Variants in PAN3 observed in about 807,000 individuals in gnomAD.
The protein encoded by PAN3 is poly(A) specific ribonuclease subunit PAN3, also known as PAN2-PAN3 deadenylation complex subunit PAN3.
A neutral mutation model predicts 96.2 loss-of-function variants in PAN3; 19 were observed. The observed-to-expected ratio is 0.20, with a 90% CI of 0.14 to 0.29. The LOEUF (loss-of-function observed/expected upper bound fraction) is 0.29. Among genes scored for constraint, PAN3 ranks in the 10% least tolerant of loss-of-function variants. The pLI, the probability that PAN3 is intolerant of heterozygous loss-of-function variation, is 1.00. For synonymous variants in PAN3, 433 were observed against 406.6 expected (o/e 1.06, Z -0.78); for missense variants, 882 against 1,108.1 (o/e 0.80, Z 2.90).
At chr13:28,139,186 T>C (rs952460098) in intron 1 of PAN3, 99 bp downstream of exon 1, 11 of 1,205,584 alleles carry the variant, frequency 9.1e-6, no homozygotes, top group Non-Finnish European at 1.1e-5. Context: ...GCCCGCGGGC[T>C]CCCCCCCTCA....
chr13:28,237,229 C>T (rs1001966163), intron 6 of PAN3, among the ~76,000 whole-genome samples: 2 of 151,882 alleles, frequency 1.3e-5, no homozygotes, highest in Non-Finnish European at 2.9e-5. Flanking sequence ...ACCTGATGCT[C>T]CTCTTTTAAA....
intron 9 of PAN3, among the ~76,000 whole-genome samples, chr13:28,262,095 T>C (rs1052556754): frequency 3.9e-5 from 6 of 152,190 alleles, no homozygotes; most frequent in African/African-American, 9.7e-5. Context: ...TTAAATACTT[T>C]ACATGTCTTA....
At chr13:28,214,640 GA>G in intron 5 of PAN3, 2 of 424,352 alleles carry the variant, frequency 4.7e-6, no homozygotes, top group South Asian at 2.2e-5. Context: ...TGAAAAATTG[GA>G]AAAGGAGGCT....
chr13:28,155,298 A>G (rs554717686), intron 1 of PAN3, among the ~76,000 whole-genome samples: 6 of 152,234 alleles, frequency 3.9e-5, no homozygotes, highest in South Asian at 2.1e-4. Context: ...ATGTTGGGGA[A>G]TACAAAGACA....
chr13:28,293,427 G>T lies in PAN3; in HGVS notation c.*905G>T, dbSNP rs1593654592. The T allele has an allele frequency of 8.4e-6, 1 of 118,696 alleles. No individual in the cohort carries two copies. The highest frequency in any genetic ancestry group is 1.7e-5 in the Non-Finnish European group (1 of 59,084). 7.4% of individuals were successfully genotyped at this position (118,696 alleles called of 1,614,324 possible). A position where few individuals can be genotyped will look rare whatever the true frequency, so the allele number is the denominator to read the frequency against. On this transcript the variant is annotated 3_prime_UTR_variant, in exon 19 of 19. Coordinates refer to ENST00000380958, the MANE Select transcript of PAN3 (RefSeq NM_175854.8). ...TTTTTTTTTTTTTTTGGGCGGGGGG[G>T]AGGTTTATGAAGTTTTGCTCTTTGA...
At chr13:28,285,438 G>C (rs1271516124) in intron 17 of PAN3, among the ~76,000 whole-genome samples, 2 of 151,704 alleles carry the variant, frequency 1.3e-5, no homozygotes, top group African/African-American at 4.8e-5. Flanking sequence ...TTTGGGTTTT[G>C]TTTGTTTGTT....
chr13:28,203,902 C>T (rs1044223456), intron 5 of PAN3, among the ~76,000 whole-genome samples: 1 of 150,858 alleles, frequency 6.6e-6, no homozygotes. Flanking sequence ...CTTCCAGCTT[C>T]AAGCGATTCT....
At chr13:28,172,020 C>T (rs755410026) in intron 1 of PAN3, among the ~76,000 whole-genome samples, 4 of 152,096 alleles carry the variant, frequency 2.6e-5, no homozygotes, top group Admixed American at 1.3e-4. Context: ...CAAAGATGCT[C>T]CCAGCACCAA....
intron 4 of PAN3, among the ~76,000 whole-genome samples, chr13:28,181,002 A>G (rs781189625): frequency 1.2e-4 from 18 of 152,204 alleles, no homozygotes; most frequent in Non-Finnish European, 2.1e-4. Flanking sequence ...TGAAGAATTT[A>G]TGGAGAAAAG....
At chr13:28,256,644 AAG>A in intron 7 of PAN3, 105 bp downstream of exon 7, 1 of 1,243,782 alleles carries the variant, frequency 8.0e-7, no homozygotes, top group Non-Finnish European at 1.1e-6. Flanking sequence ...TGATGCAAAA[AAG>A]TATTTCATTT....
At position 28,266,791 on chromosome 13, in the gene PAN3, A is replaced by T; in HGVS notation, c.1488A>T (p.Lys496Asn). The change falls in exon 10 of 19, where the codon AAA becomes AAT. Residue 496 changes from lysine (K) to asparagine (N), a missense_variant. Around this residue, in one of 3 missense-constraint regions of PAN3, gnomAD observed 364 missense variants for 513.6 expected, o/e 0.71. Transcript: ENST00000380958. The stretch of plus-strand genomic sequence containing the variant: ...TGCCACCTCCCAACCGGATACAGAA[A>T]TCAAGTAATTTTGGATATATTACAT... ...EPLPPPNRIQ[K>N]SSNFGYITSC... 6.2e-7 allele frequency: 1 copy of T among 1,611,092 alleles called. No individual in the cohort carries two copies. Among genetic ancestry groups the T allele is most frequent in the Non-Finnish European group, 8.5e-7 (1 of 1,178,476 alleles).
At chr13:28,147,037 A>G (rs770639818) in intron 1 of PAN3, among the ~76,000 whole-genome samples, 8 of 152,190 alleles carry the variant, frequency 5.3e-5, no homozygotes, top group Middle Eastern at 3.2e-3. Context: ...ATAGTGTTAC[A>G]GTTTTATGTG....
At chr13:28,183,283 A>G (rs1204765174) in intron 4 of PAN3, among the ~76,000 whole-genome samples, 1 of 152,228 alleles carries the variant, frequency 6.6e-6, no homozygotes, top group African/African-American at 2.4e-5. Flanking sequence ...TCTCAAAGAA[A>G]TAATGTTTTA....
At chr13:28,202,678 C>G (rs543397728) in intron 5 of PAN3, among the ~76,000 whole-genome samples, 7 of 151,890 alleles carry the variant, frequency 4.6e-5, no homozygotes, top group African/African-American at 1.5e-4. Context: ...CACACACACA[C>G]AATTTGTTTA....
intron 2 of PAN3, among the ~76,000 whole-genome samples, chr13:28,174,817 A>G (rs978808331): frequency 6.6e-6 from 1 of 152,232 alleles, no homozygotes; most frequent in Admixed American, 6.5e-5. Flanking sequence ...ATTACTGGTT[A>G]CAAGTTTCCT....
intron 4 of PAN3, among the ~76,000 whole-genome samples, chr13:28,186,640 G>C (rs560360556): frequency 6.6e-6 from 1 of 152,150 alleles, no homozygotes; most frequent in South Asian, 2.1e-4. Flanking sequence ...CTGAAAAAGT[G>C]TACACATACA....
intron 6 of PAN3, among the ~76,000 whole-genome samples, chr13:28,228,515 A>G (rs1882227932): frequency 6.6e-6 from 1 of 152,164 alleles, no homozygotes; most frequent in Non-Finnish European, 1.5e-5. Context: ...TTACATATTG[A>G]TATGTCTGAA....
At chr13:28,166,604 G>C (rs1418813650) in intron 1 of PAN3, among the ~76,000 whole-genome samples, 1 of 152,166 alleles carries the variant, frequency 6.6e-6, no homozygotes, top group African/African-American at 2.4e-5. Context: ...ACATAACCCT[G>C]GTAAAAGCTC....
In PAN3 at chr13:28,150,851, TC is replaced by T. The variant is rs369529784; in HGVS notation, c.430+11767del. Among the ~76,000 whole-genome samples, 10 of 152,174 alleles carry T rather than the reference TC, an allele frequency of 6.6e-5. No individual in the cohort carries two copies. The East Asian group carries it at 1.9e-3, about 29-fold the overall frequency. On this transcript the variant is annotated intron_variant, in intron 1 of 18. Coordinates refer to ENST00000380958, the MANE Select transcript of PAN3 (RefSeq NM_175854.8). Reference sequence around the variant, plus strand: ...GTGAACCAAATAGATTAAAGAAAAATCCCTTCTTTTGTGGACCTTACCTCTT... The same window carrying T: ...GTGAACCAAATAGATTAAAGAAAAATCCTTCTTTTGTGGACCTTACCTCTT...
Sources: allele counts gnomAD v4.1 joint callset (sites outside exome capture counted in the v4.1 genomes callset), GRCh38; gene constraint gnomAD v4.1.1; regional missense constraint gnomAD v4.1.1; transcripts MANE v1.5; gene names NCBI Gene and HGNC (gene_info 2026-07-23, HGNC 2026-07-21).